DLGAP1: variants seen among roughly 807,000 people sequenced by gnomAD.
DLGAP1 encodes disks large-associated protein 1.
DLGAP1 carries 11 observed loss-of-function variants against 90.8 expected under a neutral mutation model. That is an observed-to-expected ratio of 0.12 (90% CI 0.08 to 0.20). The LOEUF is 0.20. Ranked by LOEUF, DLGAP1 falls within the 10% of genes least tolerant of loss-of-function variation. The pLI is 1.00. For synonymous variants in DLGAP1, 558 were observed against 540.7 expected, an observed-to-expected ratio of 1.03 and a Z score of -0.44; for missense variants, 1,050 against 1,333.8, an observed-to-expected ratio of 0.79 and a Z score of 3.31.
chr18:4,337,027 T>G (rs9957435), intron 1 of DLGAP1, among the ~76,000 whole-genome samples: 32,341 of 146,636 alleles, frequency 0.22, 3,691 homozygotes, highest in Middle Eastern at 0.3. Flanking sequence ...GGTAGGAGAA[T>G]GGCATGAACC....
Position 4,259,494 on chromosome 18 carries a change from A to C in DLGAP1, c.-266-108207T>G, listed in dbSNP as rs534692919. The stretch of plus-strand genomic sequence containing the variant: ...TTCCTCCTGGCAAATGGTAGACAGA[A>C]GATTGTGATCTGAAATTTTTACTGA... On this transcript the variant is annotated intron_variant, in intron 1 of 12. Transcript: ENST00000315677. Among the ~76,000 whole-genome samples, 11 of 152,330 alleles carry C rather than the reference A, an allele frequency of 7.2e-5. No individual in the cohort carries two copies. In the East Asian group the frequency reaches 2.1e-3, roughly 29 times the overall value.
intron 7 of DLGAP1, among the ~76,000 whole-genome samples, chr18:3,626,043 C>T (rs1326325100): frequency 6.6e-6 from 1 of 152,126 alleles, no homozygotes; most frequent in Non-Finnish European, 1.5e-5. Context: ...CACCTGTAAT[C>T]CCAGCATTTT....
At position 3,716,472 on chromosome 18, in the gene DLGAP1, G is replaced by C. The variant is rs569878237; in HGVS notation, c.1591+12663C>G. ...GATTGCCTGAGCCCAGGAGGCTGAT[G>C]CTGCAGTGAGCTGTGATTGCATCAC... On this transcript the variant is annotated intron_variant, in intron 7 of 12. Transcript: ENST00000315677. Among the ~76,000 whole-genome samples, 201 of 152,290 alleles carry C rather than the reference G, an allele frequency of 1.3e-3. 4 individuals carry two copies. Among genetic ancestry groups the C allele is most frequent in the Admixed American group, 0.013 (195 of 15,298 alleles).
intron 1 of DLGAP1, among the ~76,000 whole-genome samples, chr18:4,268,220 C>T (rs11660004): frequency 6.6e-6 from 1 of 152,162 alleles, no homozygotes; most frequent in East Asian, 1.9e-4. Flanking sequence ...GAAACAAGTA[C>T]AATTCCCTTG....
chr18:3,644,868 T>TA (rs1424307849), intron 7 of DLGAP1, among the ~76,000 whole-genome samples: 13 of 135,410 alleles, frequency 9.6e-5, no homozygotes, highest in African/African-American at 4.1e-4. Flanking sequence ...TCTATGGAAA[T>TA]ATGGAAATAT....
intron 1 of DLGAP1, among the ~76,000 whole-genome samples, chr18:4,175,222 T>C (rs2077087233): frequency 6.6e-6 from 1 of 152,238 alleles, no homozygotes; most frequent in Non-Finnish European, 1.5e-5. Flanking sequence ...TGTCTTCTTT[T>C]GAGAAGTGTC....
intron 1 of DLGAP1, among the ~76,000 whole-genome samples, chr18:4,350,965 C>T (rs2081391890): frequency 6.6e-6 from 1 of 151,914 alleles, no homozygotes; most frequent in Non-Finnish European, 1.5e-5. Context: ...AAATGAGGGC[C>T]CCAGCACACA....
At chr18:3,583,470 C>T (rs2055691069) in intron 7 of DLGAP1, among the ~76,000 whole-genome samples, 1 of 152,052 alleles carries the variant, frequency 6.6e-6, no homozygotes, top group South Asian at 2.1e-4. Context: ...ACTATATAAA[C>T]TTCTTTTGTT....
intron 1 of DLGAP1, among the ~76,000 whole-genome samples, chr18:4,269,356 T>A (rs141310789): frequency 0.072 from 8,540 of 119,142 alleles, 274 homozygotes; most frequent in East Asian, 0.12. Flanking sequence ...ATATATATAT[T>A]TTTTTTTTTC....
At chr18:4,002,321 C>A (rs1009422398) in intron 3 of DLGAP1, among the ~76,000 whole-genome samples, 5 of 79,948 alleles carry the variant, frequency 6.3e-5, no homozygotes, top group Non-Finnish European at 1.5e-4. Flanking sequence ...ATGCACTATA[C>A]AGTTGACCTT....
chr18:3,502,443 G>C (rs556169415), intron 12 of DLGAP1, 50 bp downstream of exon 12: 2 of 1,612,596 alleles, frequency 1.2e-6, no homozygotes, highest in Admixed American at 3.3e-5. Flanking sequence ...AGACTGTCCA[G>C]TGTTTGTGCA....
intron 1 of DLGAP1, chr18:4,264,519 ACT>A (rs1304407473): frequency 6.6e-6 from 1 of 152,024 alleles, no homozygotes; most frequent in Non-Finnish European, 1.5e-5. Flanking sequence ...TCAACTCTAC[ACT>A]CTACCTCTGC....
intron 1 of DLGAP1, among the ~76,000 whole-genome samples, chr18:4,347,183 T>C (rs4432337): frequency 6.6e-6 from 1 of 152,010 alleles, no homozygotes; most frequent in Non-Finnish European, 1.5e-5. Context: ...TCAATTTCCA[T>C]ACAAGAAATA....
chr18:4,343,912 T>G (rs1031507902), intron 1 of DLGAP1, among the ~76,000 whole-genome samples: 1 of 152,254 alleles, frequency 6.6e-6, no homozygotes, highest in Admixed American at 6.5e-5. Flanking sequence ...AAAGAACTTG[T>G]CCTTGGAGAT....
At chr18:4,182,292 A>G (rs2077222319) in intron 1 of DLGAP1, among the ~76,000 whole-genome samples, 1 of 152,142 alleles carries the variant, frequency 6.6e-6, no homozygotes, top group African/African-American at 2.4e-5. Flanking sequence ...ATTGGGATGT[A>G]AATTTACAAA....
chr18:3,976,253 G>A (rs2073576929), intron 3 of DLGAP1, among the ~76,000 whole-genome samples: 1 of 151,066 alleles, frequency 6.6e-6, no homozygotes, highest in South Asian at 2.1e-4. Context: ...GTGCATGCCT[G>A]TAATCCCAGC....
At chr18:3,823,083 T>C (rs1376603229) in intron 4 of DLGAP1, among the ~76,000 whole-genome samples, 1 of 152,240 alleles carries the variant, frequency 6.6e-6, no homozygotes, top group Non-Finnish European at 1.5e-5. Context: ...CTATCCCAGT[T>C]CCACTTCTGG....
chr18:3,634,348 G>A (rs1011638858), intron 7 of DLGAP1, among the ~76,000 whole-genome samples: 2 of 152,046 alleles, frequency 1.3e-5, no homozygotes, highest in African/African-American at 4.8e-5. Flanking sequence ...AAGTGACTTT[G>A]TATTTATTGC....
intron 7 of DLGAP1, among the ~76,000 whole-genome samples, chr18:3,635,140 T>G (rs1014766218): frequency 3.3e-5 from 5 of 151,676 alleles, no homozygotes; most frequent in African/African-American, 1.2e-4. Context: ...CCATTTTTTT[T>G]TTTTTTTTGA....
Sources: gnomAD v4.1 joint callset for allele counts (sites outside exome capture counted in the v4.1 genomes callset) on GRCh38, gnomAD v4.1.1 for gene constraint, MANE v1.5 for transcripts, NCBI Gene and HGNC (gene_info 2026-07-23, HGNC 2026-07-21) for gene names.